TMEM132B: variants seen among roughly 807,000 people sequenced by gnomAD.
TMEM132B encodes the protein transmembrane protein 132B.
In TMEM132B, 18 loss-of-function variants were observed where a neutral mutation model predicts 90.8. That is an observed-to-expected ratio of 0.20 (90% CI 0.14 to 0.29). TMEM132B has a LOEUF of 0.29. TMEM132B is among the 10% of genes least tolerant of loss of function. The pLI, the probability that TMEM132B is intolerant of heterozygous loss-of-function variation, is 1.00. For synonymous variants in TMEM132B, 504 were observed against 523.3 expected (o/e 0.96, Z 0.50); for missense variants, 1,096 against 1,326.8 (o/e 0.83, Z 2.70).
rs1882322248 is a variant in TMEM132B at position 125,490,559 on chromosome 12, G to T, written c.1107-28880G>T. ...GCTCACTGCAAGCTCTGCCTCCCGG[G>T]TTCACACCATTCTCCTGCCTTAGCC... On this transcript the variant is annotated intron_variant, in intron 3 of 8. Transcript: ENST00000682704. This position sits in a 1 kb window ranked among gnomAD's most constrained non-coding sequence, Gnocchi z 4.2. Among the ~76,000 whole-genome samples the T allele has an allele frequency of 6.6e-6, 1 of 152,052 alleles. No individual in the cohort carries two copies. The highest frequency in any genetic ancestry group is 2.4e-5 in the African/African-American group (1 of 41,390).
intron 1 of TMEM132B, among the ~76,000 whole-genome samples, chr12:125,221,075 G>A (rs1163617708): frequency 2.0e-5 from 3 of 152,322 alleles, no homozygotes; most frequent in South Asian, 2.1e-4. Flanking sequence ...TGAGCACCCC[G>A]CCTACAGTAG....
At position 125,349,056 on chromosome 12, in the gene TMEM132B, G is replaced by A. The variant is rs575093436; in HGVS notation, c.68-396G>A. Among the ~76,000 whole-genome samples, 45 of 152,344 alleles carry A rather than the reference G, an allele frequency of 3.0e-4. No individual in the cohort carries two copies. The highest frequency in any genetic ancestry group is 5.0e-4 in the Non-Finnish European group (34 of 68,034). On this transcript the variant is annotated intron_variant, in intron 1 of 8. Coordinates refer to ENST00000682704, the MANE Select transcript of TMEM132B (RefSeq NM_001366854.1). This position sits in a 1 kb window ranked among gnomAD's most constrained non-coding sequence, Gnocchi z 4.1. ...AATATCAAAGTAATAAGGCACTAAC[G>A]TGTCACATACAATGGTGCAATGCCT...
intron 3 of TMEM132B, among the ~76,000 whole-genome samples, chr12:125,485,463 A>C (rs897874262): frequency 6.6e-6 from 1 of 152,150 alleles, no homozygotes; most frequent in Admixed American, 6.5e-5. Context: ...GCACACTGTC[A>C]TGTAATTAGA....
intron 4 of TMEM132B, among the ~76,000 whole-genome samples, chr12:125,528,711 ACTGACTGAAAACTTAACTACTAATAGACT>A (rs1883561002): frequency 1.3e-5 from 2 of 152,200 alleles, no homozygotes; most frequent in African/African-American, 2.4e-5. Context: ...ATAACTTTTG[ACTGACTGAAAACTTAACTACTAATAGACT>A]ACTGTTGACT....
intron 4 of TMEM132B, among the ~76,000 whole-genome samples, chr12:125,569,820 T>C (rs1350718165): frequency 1.3e-5 from 2 of 152,100 alleles, no homozygotes; most frequent in Non-Finnish European, 2.9e-5. Context: ...GCTTCTTAGT[T>C]TATATTCCTT....
Position 125,654,831 on chromosome 12 carries a change from T to A in TMEM132B, c.*121T>A, listed in dbSNP as rs1046122906. 1.7e-6 allele frequency: 2 copies of A among 1,204,356 alleles called. No individual in the cohort carries two copies. Among genetic ancestry groups the A allele is most frequent in the Non-Finnish European group, 2.3e-6 (2 of 870,898 alleles). 74.6% of individuals were successfully genotyped at this position (1,204,356 alleles called of 1,614,324 possible). A position where few individuals can be genotyped will look rare whatever the true frequency, so the allele number is the denominator to read the frequency against. The stretch of plus-strand genomic sequence containing the variant: ...TTTGATTTGTGGAGGTCTGGTGGGA[T>A]TCATTTCTAAGCAGGTAAAAGAGGT... On this transcript the variant is annotated 3_prime_UTR_variant, in exon 9 of 9. Coordinates refer to ENST00000682704, the MANE Select transcript of TMEM132B (RefSeq NM_001366854.1). The surrounding 1 kb of genome is among the most constrained non-coding windows in gnomAD (Gnocchi z 5.8).
At chr12:125,341,770 A>G (rs906658426) in intron 1 of TMEM132B, among the ~76,000 whole-genome samples, 5 of 152,240 alleles carry the variant, frequency 3.3e-5, no homozygotes, top group Admixed American at 1.3e-4. Flanking sequence ...GGTCCTAAGC[A>G]TAATATATAC....
chr12:125,565,075 A>G (rs1230302278), intron 4 of TMEM132B, among the ~76,000 whole-genome samples: 1 of 152,188 alleles, frequency 6.6e-6, no homozygotes, highest in African/African-American at 2.4e-5. Context: ...GCCTTAATTA[A>G]TACTCCTGAC....
At position 125,527,204 on chromosome 12, in the gene TMEM132B, T is replaced by TTCCA. The variant is rs561295578; in HGVS notation, c.1293+7592_1293+7595dup. 2.7e-3 allele frequency among the ~76,000 whole-genome samples: 211 copies of TTCCA among 77,110 alleles called. 2 individuals are homozygous for TTCCA. Among genetic ancestry groups the TTCCA allele is most frequent in the African/African-American group, 9.2e-3 (171 of 18,624 alleles). 50.6% of individuals were successfully genotyped at this position (77,110 alleles called of 152,430 possible). The stretch of plus-strand genomic sequence containing the variant: ...CATCCATCCATCCACCCATCCACCC[T>TTCCA]TCCATCCATCCATCCACCCATCCAC... On this transcript the variant is annotated intron_variant, in intron 4 of 8. Transcript: ENST00000682704.
intron 1 of TMEM132B, among the ~76,000 whole-genome samples, chr12:125,305,432 G>C (rs1317533301): frequency 6.6e-6 from 1 of 151,918 alleles, no homozygotes. Flanking sequence ...CATGTCCAAA[G>C]CCCAGGGTAG....
chr12:125,593,586 ATCCAAT>A, intron 5 of TMEM132B, among the ~76,000 whole-genome samples: 1 of 152,088 alleles, frequency 6.6e-6, no homozygotes, highest in Admixed American at 6.5e-5. Flanking sequence ...ATCAGGCCTG[ATCCAAT>A]ATGGCTCTAG....
chr12:125,349,907 G>A lies in TMEM132B; in HGVS notation c.523G>A (p.Val175Met). ...GTTTGCTTTCCCTGAGGCCAGGGAAGTGGCAGCCAGCTGTCGGCTGCAAGG... is the reference window on the plus strand; with the variant it reads ...GTTTGCTTTCCCTGAGGCCAGGGAAATGGCAGCCAGCTGTCGGCTGCAAGG... ...KMFAFPEARE[V>M]AASCRLQGAP... is the part of the protein sequence containing the mutation. Residue 175 changes from valine (V) to methionine (M), a missense_variant, in exon 2 of 9, where the codon GTG becomes ATG. By Grantham distance (21) the Val-to-Met change is conservative. Transcript: ENST00000682704. The surrounding 1 kb of genome is among the most constrained non-coding windows in gnomAD (Gnocchi z 4.1). 6.2e-7 allele frequency: 1 copy of A among 1,614,254 alleles called. No individual in the cohort carries two copies. Among genetic ancestry groups the A allele is most frequent in the Non-Finnish European group, 8.5e-7 (1 of 1,180,052 alleles).
intron 4 of TMEM132B, among the ~76,000 whole-genome samples, chr12:125,546,878 A>C (rs1884105882): frequency 6.6e-6 from 1 of 152,236 alleles, no homozygotes; most frequent in South Asian, 2.1e-4. Flanking sequence ...TAAAGGAAAG[A>C]GGCTTAATTG....
chr12:125,394,645 A>AT (rs1447331613), intron 2 of TMEM132B, among the ~76,000 whole-genome samples: 7 of 152,112 alleles, frequency 4.6e-5, no homozygotes, highest in African/African-American at 9.7e-5. Flanking sequence ...AGTAAGTTTG[A>AT]TTTTCCTTTC....
chr12:125,414,687 A>G (rs432213), intron 2 of TMEM132B, among the ~76,000 whole-genome samples: 27,730 of 152,062 alleles, frequency 0.18, 3,094 homozygotes, highest in South Asian at 0.33. Context: ...TTCAGTTAAG[A>G]CATAGTAAGC....
intron 1 of TMEM132B, among the ~76,000 whole-genome samples, chr12:125,245,791 C>T (rs376881186): frequency 6.0e-4 from 91 of 152,236 alleles, no homozygotes; most frequent in African/African-American, 2.1e-3. Flanking sequence ...GGCAGATGTC[C>T]CAGACCCTTC....
chr12:125,320,209 G>C (rs326386), intron 1 of TMEM132B, among the ~76,000 whole-genome samples: 112,029 of 152,150 alleles, frequency 0.74, 42,268 homozygotes, highest in African/African-American at 0.89. Context: ...GCCCAGCTGG[G>C]GAGGAGGTCT....
intron 3 of TMEM132B, among the ~76,000 whole-genome samples, chr12:125,435,859 G>T (rs1880683865): frequency 6.6e-6 from 1 of 151,952 alleles, no homozygotes; most frequent in African/African-American, 2.4e-5. Context: ...TAAATGGAGG[G>T]GACCTCTCCT....
intron 5 of TMEM132B, among the ~76,000 whole-genome samples, chr12:125,610,617 A>ATCTC (rs138076677): frequency 1.7e-4 from 25 of 145,000 alleles, no homozygotes; most frequent in South Asian, 4.4e-4. Flanking sequence ...ATGGTGTAAA[A>ATCTC]TCTCTCTCTC....
Sources: allele counts gnomAD v4.1 joint callset (sites outside exome capture counted in the v4.1 genomes callset), GRCh38; gene constraint gnomAD v4.1.1; non-coding constraint Gnocchi (gnomAD v3.1); transcripts MANE v1.5; gene names NCBI Gene and HGNC (gene_info 2026-07-23, HGNC 2026-07-21).